Variants in HMCN1 observed in about 807,000 individuals in gnomAD.
HMCN1 encodes the protein hemicentin 1.
HMCN1 carries 321 observed loss-of-function variants against 625.9 expected under a neutral mutation model. The ratio of observed to expected loss-of-function variants is 0.51; its 90% CI spans 0.47 to 0.56. The LOEUF (loss-of-function observed/expected upper bound fraction) is 0.56. Among genes scored for constraint, HMCN1 ranks in the 20% least tolerant of loss-of-function variants. HMCN1 has a pLI of 0.00. For synonymous variants in HMCN1, 2,425 were observed against 2,417.6 expected (o/e 1.00, Z -0.09); for missense variants, 6,588 against 6,887.3 (o/e 0.96, Z 1.54).
intron 69 of HMCN1, among the ~76,000 whole-genome samples, chr1:186,104,098 A>G (rs1660505026): frequency 6.6e-6 from 1 of 152,200 alleles, no homozygotes; most frequent in African/African-American, 2.4e-5. Flanking sequence ...GATCAGTTTA[A>G]TAAAATTGAC....
At chr1:186,000,816 T>G (rs1653143690) in intron 26 of HMCN1, among the ~76,000 whole-genome samples, 1 of 152,030 alleles carries the variant, frequency 6.6e-6, no homozygotes, top group South Asian at 2.1e-4. Flanking sequence ...CCTCTGTTAA[T>G]GATGAGCGTG....
intron 1 of HMCN1, among the ~76,000 whole-genome samples, chr1:185,797,773 C>T (rs1041467148): frequency 6.9e-5 from 9 of 131,328 alleles, no homozygotes; most frequent in Admixed American, 6.9e-5. Context: ...GAGACCATCC[C>T]GGCTAAAACG....
rs75470185 is a variant in HMCN1 at position 185,767,529 on chromosome 1, C to A, written c.268+32482C>A. The stretch of plus-strand genomic sequence containing the variant: ...GTTTCTGGGTTCCACTAGCATGCAG[C>A]TGATTTAACAGTAACACAATCTGTA... On this transcript the variant is annotated intron_variant, in intron 1 of 106. Coordinates refer to ENST00000271588, the MANE Select transcript of HMCN1 (RefSeq NM_031935.3). Among the ~76,000 whole-genome samples the A allele has an allele frequency of 6.5e-3, 990 of 152,226 alleles. 9 individuals are homozygous for A. The highest frequency in any genetic ancestry group is 0.023 in the African/African-American group (940 of 41,528).
chr1:186,048,787 A>C lies in HMCN1; in HGVS notation c.6525A>C (p.Glu2175Asp). ...AAGACACTGGTCGTTACACTTGTGAAGCAACAAATGTTGCTGGAAAAACTG... is the reference window on the plus strand; with the variant it reads ...AAGACACTGGTCGTTACACTTGTGACGCAACAAATGTTGCTGGAAAAACTG... ...QVQDTGRYTCEATNVAGKTEK... is the reference protein window; with the variant it reads ...QVQDTGRYTCDATNVAGKTEK... The change falls in exon 42 of 107, where the codon GAA (glutamate) becomes GAC (aspartate). Residue 2175 changes from glutamate to aspartate, a missense_variant. Transcript: ENST00000271588. 6.2e-7 allele frequency: 1 copy of C among 1,612,136 alleles called. No individual in the cohort carries two copies. Among genetic ancestry groups the C allele is most frequent in the Non-Finnish European group, 8.5e-7 (1 of 1,178,688 alleles).
chr1:185,930,907 TACACACAC>T (rs3030426), intron 10 of HMCN1, among the ~76,000 whole-genome samples: 13 of 139,026 alleles, frequency 9.4e-5, no homozygotes, highest in African/African-American at 1.3e-4. Context: ...TTTCACCCAA[TACACACAC>T]ACACACACAC....
At chr1:186,059,148 T>C (rs1335976740) in intron 46 of HMCN1, among the ~76,000 whole-genome samples, 1 of 152,018 alleles carries the variant, frequency 6.6e-6, no homozygotes. Flanking sequence ...AGGTTTGTGG[T>C]CTCCCTGTCC....
At chr1:185,949,846 T>C (rs1668549989) in intron 11 of HMCN1, among the ~76,000 whole-genome samples, 1 of 151,790 alleles carries the variant, frequency 6.6e-6, no homozygotes, top group Non-Finnish European at 1.5e-5. Context: ...GCTTGATGTG[T>C]AGGGAAGGGA....
At chr1:185,820,547 T>A (rs1660122533) in intron 1 of HMCN1, among the ~76,000 whole-genome samples, 3 of 152,184 alleles carry the variant, frequency 2.0e-5, no homozygotes, top group Non-Finnish European at 4.4e-5. Context: ...GTGATTTCAA[T>A]CTCAGATTAA....
intron 104 of HMCN1, among the ~76,000 whole-genome samples, chr1:186,181,384 C>A (rs1452658908): frequency 6.6e-6 from 1 of 152,002 alleles, no homozygotes; most frequent in Non-Finnish European, 1.5e-5. Context: ...CTATTCTCAC[C>A]CTCCTTTTTT....
At chr1:186,018,373 G>T (rs1418330976) in intron 34 of HMCN1, 21 bp downstream of exon 34, 7 of 1,603,898 alleles carry the variant, frequency 4.4e-6, no homozygotes, top group Non-Finnish European at 6.0e-6. Context: ...GAAGGGACAG[G>T]AACTTTGCAT....
At chr1:185,892,077 T>A (rs941257911) in intron 4 of HMCN1, among the ~76,000 whole-genome samples, 3 of 150,958 alleles carry the variant, frequency 2.0e-5, no homozygotes. Flanking sequence ...TCCATCGCTG[T>A]TACCCTTTCT....
At chr1:186,130,722 G>A (rs1661887937) in intron 85 of HMCN1, 25 bp downstream of exon 85, 3 of 1,606,298 alleles carry the variant, frequency 1.9e-6, no homozygotes, top group East Asian at 2.2e-5. Flanking sequence ...AATGATTGAT[G>A]CACCTTTAAA....
chr1:185,831,812 G>T (rs536120934), intron 1 of HMCN1, among the ~76,000 whole-genome samples: 1 of 151,852 alleles, frequency 6.6e-6, no homozygotes, highest in South Asian at 2.1e-4. Context: ...AAACATATAC[G>T]GGAAAAAAAT....
intron 1 of HMCN1, among the ~76,000 whole-genome samples, chr1:185,830,869 C>T (rs1008461105): frequency 6.6e-6 from 1 of 151,312 alleles, no homozygotes; most frequent in Non-Finnish European, 1.5e-5. Context: ...GCCTGGGTGA[C>T]AGAGCAAGAC....
At chr1:185,982,239 G>T (rs1471248119) in intron 17 of HMCN1, 23 bp from the exon 18 acceptor site, 2 of 1,613,154 alleles carry the variant, frequency 1.2e-6, no homozygotes, top group Non-Finnish European at 1.7e-6. Flanking sequence ...AGTTGAAAGT[G>T]CCTGTGCTCT....
chr1:186,000,002 G>T lies in HMCN1; in HGVS notation c.3875-43G>T, dbSNP rs779734986. On this transcript the variant is annotated intron_variant, in intron 25 of 106. Transcript: ENST00000271588. ...ATATATTTGATATTTAATAATTTCT[G>T]TTTTTGTTGTAAAATATCACAAGAC... is the stretch of plus-strand genomic sequence containing the variant. The T allele has an allele frequency of 4.4e-6, 6 of 1,372,788 alleles. No homozygotes were observed. The South Asian group carries it at 7.3e-5, about 17-fold the overall frequency. The allele number at this position is 1,372,788 out of a possible 1,614,324, so 85.0% of individuals were successfully genotyped here. A position where few individuals can be genotyped will look rare whatever the true frequency, so the allele number is the denominator to read the frequency against.
In HMCN1 at chr1:185,758,438, C is replaced by A. The variant is rs189942772; in HGVS notation, c.268+23391C>A. Among the ~76,000 whole-genome samples, 7 of 152,222 alleles carry A rather than the reference C, an allele frequency of 4.6e-5. No homozygotes were observed. The East Asian group carries it at 1.4e-3, about 29-fold the overall frequency. On this transcript the variant is annotated intron_variant, in intron 1 of 106. Coordinates refer to ENST00000271588, the MANE Select transcript of HMCN1 (RefSeq NM_031935.3). ...CTTACTTGAGCTCAGGAGTTCAAGA[C>A]CAGCTTGGGTGACATGGCAAAACTC...
At position 186,045,815 on chromosome 1, in the gene HMCN1, G is replaced by A; in HGVS notation, c.6432G>A (p.Leu2144=). 13 of 1,613,050 alleles carry A rather than the reference G, an allele frequency of 8.1e-6. No individual in the cohort carries two copies. The highest frequency in any genetic ancestry group is 1.1e-5 in the Non-Finnish European group (13 of 1,179,250). Residue 2144 remains leucine, a synonymous_variant, in exon 41 of 107, where the codon TTG becomes TTA. Coordinates refer to ENST00000271588, the MANE Select transcript of HMCN1 (RefSeq NM_031935.3). Reference sequence around the variant, plus strand: ...CTTGGTTAAAAGACGGCCACCCCTTGCTGAAGAAACCAGGCCTCAGTATAT... The same window carrying A: ...CTTGGTTAAAAGACGGCCACCCCTTACTGAAGAAACCAGGCCTCAGTATAT... ...TLTWLKDGHP[L]LKKPGLSISE...
Position 186,128,146 on chromosome 1 carries a change from C to T in HMCN1, c.12759C>T (p.Ser4253=). Residue 4253 remains serine (S), a synonymous_variant, in exon 83 of 107, where the codon AGC becomes AGT. Coordinates refer to ENST00000271588, the MANE Select transcript of HMCN1 (RefSeq NM_031935.3). ...NAAGEDTHTV[S]LTVHVLPTFT... Reference sequence around the variant, plus strand: ...CAGGTGAAGATACACACACTGTCAGCCTGACTGTGCATGTTCTCCCCACTT... The same window carrying T: ...CAGGTGAAGATACACACACTGTCAGTCTGACTGTGCATGTTCTCCCCACTT... The T allele has an allele frequency of 6.2e-7, 1 of 1,613,516 alleles. No homozygotes were observed.
Sources: allele counts gnomAD v4.1 joint callset (sites outside exome capture counted in the v4.1 genomes callset), GRCh38; gene constraint gnomAD v4.1.1; transcripts MANE v1.5; gene names NCBI Gene and HGNC (gene_info 2026-07-23, HGNC 2026-07-21).